PLEKHD1: variants seen among roughly 807,000 people sequenced by gnomAD.
The protein encoded by PLEKHD1 is pleckstrin homology and coiled-coil domain containing D1.
Under a neutral mutation model 69.2 loss-of-function variants are expected in PLEKHD1, and 51 were observed. That is an observed-to-expected ratio of 0.74 (90% CI 0.59 to 0.93). PLEKHD1 has a LOEUF of 0.93. PLEKHD1 is among the 40% of genes least tolerant of loss of function. The pLI, the probability that PLEKHD1 is intolerant of heterozygous loss-of-function variation, is 0.00. For missense variants in PLEKHD1, 584 were observed against 641.0 expected, an observed-to-expected ratio of 0.91 and a Z score of 0.96; for synonymous variants, 236 against 244.7, an observed-to-expected ratio of 0.96 and a Z score of 0.33.
chr14:69,518,185 C>T (rs1883428801), intron 6 of PLEKHD1, among the ~76,000 whole-genome samples: 1 of 152,014 alleles, frequency 6.6e-6, no homozygotes, highest in Admixed American at 6.6e-5. Flanking sequence ...CAGGCTTGTA[C>T]CACCATACCT....
the PLEKHD1 span, among the ~76,000 whole-genome samples, chr14:69,472,838 C>T: frequency 2.7e-4 from 41 of 152,264 alleles, no homozygotes; most frequent in African/African-American, 7.0e-4. Flanking sequence ...TATTAGGAAC[C>T]GGGCCACACA....
the PLEKHD1 span, among the ~76,000 whole-genome samples, chr14:69,473,002 C>T: frequency 6.6e-6 from 1 of 152,146 alleles, no homozygotes; most frequent in Non-Finnish European, 1.5e-5. Context: ...GAATCTAATG[C>T]CTGATGATCC....
chr14:69,502,357 A>G, intron 5 of PLEKHD1: 1 of 205,246 alleles, frequency 4.9e-6, no homozygotes, highest in Non-Finnish European at 9.9e-6. Flanking sequence ...CAGGTTGGTA[A>G]ACATGCACTG....
At position 69,526,125 on chromosome 14, in the gene PLEKHD1, G is replaced by A. The variant is rs564899158; in HGVS notation, c.923+3G>A. On this transcript the variant is annotated splice_donor_region_variant and intron_variant, in intron 9 of 12. Transcript: ENST00000322564. The stretch of plus-strand genomic sequence containing the variant: ...GAGAAGCTCCTGGCAGAGAAGCGGT[G>A]AGGGAGCCCCGACCCCTGAAGACAC... 3.2e-6 allele frequency: 5 copies of A among 1,548,324 alleles called. No individual in the cohort carries two copies. In the South Asian group the frequency reaches 3.6e-5, roughly 11 times the overall value.
At chr14:69,468,530 A>G in the PLEKHD1 span, among the ~76,000 whole-genome samples, 1 of 150,232 alleles carries the variant, frequency 6.7e-6, no homozygotes, top group South Asian at 2.2e-4. Context: ...CAATCACCAT[A>G]TATTTCCTTC....
rs187576730 is a variant in PLEKHD1 at position 69,529,620 on chromosome 14, G to A, written c.*1201G>A. The A allele has an allele frequency of 6.6e-6, 1 of 152,168 alleles. No individual in the cohort carries two copies. The highest frequency in any genetic ancestry group is 1.5e-5 in the Non-Finnish European group (1 of 68,018). 9.4% of individuals were successfully genotyped at this position (152,168 alleles called of 1,614,324 possible). ...CTGGTTCCTGCATTATGTACTTCTG[G>A]TTGCGCAGGGAGGCAGTGTTCCTGC... On this transcript the variant is annotated 3_prime_UTR_variant, in exon 13 of 13. Coordinates refer to ENST00000322564, the MANE Select transcript of PLEKHD1 (RefSeq NM_001161498.2).
chr14:69,513,195 G>A (rs1009037140), intron 6 of PLEKHD1, among the ~76,000 whole-genome samples: 1 of 150,606 alleles, frequency 6.6e-6, no homozygotes, highest in African/African-American at 2.5e-5. Flanking sequence ...CTCCAGCCTG[G>A]GTGGCAGAGG....
rs1356115599 is a variant in PLEKHD1, at chr14:69,500,686, C to T, written c.333+20C>T. The T allele has an allele frequency of 1.2e-5, 18 of 1,549,170 alleles. No homozygotes were observed. Among genetic ancestry groups the T allele is most frequent in the Non-Finnish European group, 1.6e-5 (18 of 1,145,676 alleles). On this transcript the variant is annotated intron_variant, in intron 3 of 12. Coordinates refer to ENST00000322564, the MANE Select transcript of PLEKHD1 (RefSeq NM_001161498.2). ...TTCCATGTGAGTAAAGCTCTTCCCT[C>T]AGCCTGGGCTCCGCAGGAGCAGACC...
At chr14:69,481,036 T>C (rs772663677), upstream of PLEKHD1, among the ~76,000 whole-genome samples, 7 of 152,234 alleles carry the variant, frequency 4.6e-5, no homozygotes, top group South Asian at 1.2e-3. Context: ...ATGGCCATGC[T>C]AATATTTGTT....
At chr14:69,525,255 C>G (rs1041255786) in intron 8 of PLEKHD1, among the ~76,000 whole-genome samples, 4 of 152,110 alleles carry the variant, frequency 2.6e-5, no homozygotes, top group Non-Finnish European at 5.9e-5. Flanking sequence ...TGGTGTATGG[C>G]CCATACCTGT....
At chr14:69,514,084 C>T (rs1883328966) in intron 6 of PLEKHD1, among the ~76,000 whole-genome samples, 1 of 151,900 alleles carries the variant, frequency 6.6e-6, no homozygotes. Flanking sequence ...GGCATTTATT[C>T]ATTTGGTGTT....
rs925249381 is a variant in PLEKHD1 at position 69,529,684 on chromosome 14, C to G, written c.*1265C>G. 4 of 152,286 alleles carry G rather than the reference C, an allele frequency of 2.6e-5. No homozygotes were observed. The highest frequency in any genetic ancestry group is 5.9e-5 in the Non-Finnish European group (4 of 68,074). 9.4% of individuals were successfully genotyped at this position (152,286 alleles called of 1,614,324 possible). A position where few individuals can be genotyped will look rare whatever the true frequency, so the allele number is the denominator to read the frequency against. On this transcript the variant is annotated 3_prime_UTR_variant, in exon 13 of 13. Coordinates refer to ENST00000322564, the MANE Select transcript of PLEKHD1 (RefSeq NM_001161498.2). ...ACAGATATCTCCTTCCCAGCTGCCC[C>G]TGCTTCAGTCACCTTGCTGCCTCCT...
intron 7 of PLEKHD1, among the ~76,000 whole-genome samples, chr14:69,523,832 G>A (rs796298703): frequency 2.6e-5 from 4 of 152,330 alleles, no homozygotes; most frequent in African/African-American, 9.6e-5. Context: ...AAGGCAGCAA[G>A]GAGCTTGTTA....
Position 69,528,416 on chromosome 14 carries a change from G to T in PLEKHD1, c.1518G>T (p.Lys506Asn), listed in dbSNP as rs1883713019. Reference sequence around the variant, plus strand: ...CCTCGGCACTCTCCCGGGGTGGAAAGTGATGGGCGCTCCTCCCCTGCTTCC... The same window carrying T: ...CCTCGGCACTCTCCCGGGGTGGAAATTGATGGGCGCTCCTCCCCTGCTTCC... ...GAPSALSRGG[K>N] Residue 506 changes from lysine (K) to asparagine (N), a missense_variant, in exon 13 of 13, where the codon AAG becomes AAT. Transcript: ENST00000322564. 6.4e-7 allele frequency: 1 copy of T among 1,550,394 alleles called. No individual in the cohort carries two copies. Among genetic ancestry groups the T allele is most frequent in the Non-Finnish European group, 8.7e-7 (1 of 1,146,924 alleles).
At chr14:69,475,686 G>T in the PLEKHD1 span, among the ~76,000 whole-genome samples, 1 of 152,156 alleles carries the variant, frequency 6.6e-6, no homozygotes, top group Non-Finnish European at 1.5e-5. Flanking sequence ...CTTCCCACAG[G>T]GGCCCCGGGG....
Position 69,501,842 on chromosome 14 carries a change from G to A in PLEKHD1, c.502+17G>A. On this transcript the variant is annotated intron_variant, in intron 5 of 12. Transcript: ENST00000322564. Reference sequence around the variant, plus strand: ...AGTATTTAGGTTGGCTGGAGGGGTGGTTCCCTAATGGTAGCAGCACTTGGG... The same window carrying A: ...AGTATTTAGGTTGGCTGGAGGGGTGATTCCCTAATGGTAGCAGCACTTGGG... 1.3e-6 allele frequency: 2 copies of A among 1,538,732 alleles called. No individual in the cohort carries two copies. Among genetic ancestry groups the A allele is most frequent in the Non-Finnish European group, 8.8e-7 (1 of 1,135,930 alleles).
chr14:69,472,452 A>T, the PLEKHD1 span, among the ~76,000 whole-genome samples: 1 of 151,884 alleles, frequency 6.6e-6, no homozygotes, highest in African/African-American at 2.4e-5. Flanking sequence ...CCCCACCCCC[A>T]TGTTCTGTAT....
At chr14:69,495,771 A>G (rs936251498) in intron 1 of PLEKHD1, among the ~76,000 whole-genome samples, 12 of 152,120 alleles carry the variant, frequency 7.9e-5, no homozygotes, top group Non-Finnish European at 1.6e-4. Context: ...CTCAAAGATT[A>G]CCTTCTTAAC....
At chr14:69,518,643 GA>G (rs1883440770) in intron 6 of PLEKHD1, among the ~76,000 whole-genome samples, 1 of 152,182 alleles carries the variant, frequency 6.6e-6, no homozygotes, top group South Asian at 2.1e-4. Context: ...CTGAGGATGA[GA>G]AATCATGCCC....
Sources: gnomAD v4.1 joint callset for allele counts (sites outside exome capture counted in the v4.1 genomes callset) on GRCh38, gnomAD v4.1.1 for gene constraint, MANE v1.5 for transcripts, NCBI Gene and HGNC (gene_info 2026-07-23, HGNC 2026-07-21) for gene names.